Variants in RGS6 observed in about 807,000 individuals in gnomAD.
RGS6 encodes regulator of G-protein signaling 6.
RGS6 carries 30 observed loss-of-function variants against 78.5 expected under a neutral mutation model. The ratio of observed to expected loss-of-function variants is 0.38; its 90% CI spans 0.29 to 0.52. RGS6 has a LOEUF of 0.52. RGS6 is among the 20% of genes least tolerant of loss of function. The pLI, the probability that RGS6 is intolerant of heterozygous loss-of-function variation, is 0.85. For synonymous variants in RGS6, 206 were observed against 206.0 expected (o/e 1.00, Z 0.00); for missense variants, 495 against 609.7 (o/e 0.81, Z 1.98).
chr14:71,922,982 G>A, the RGS6 span, among the ~76,000 whole-genome samples: 1 of 152,210 alleles, frequency 6.6e-6, no homozygotes, highest in African/African-American at 2.4e-5. Context: ...GTTCCTATGT[G>A]AATAAGTTCC....
intron 2 of RGS6, among the ~76,000 whole-genome samples, chr14:72,295,412 CA>C (rs2064595513): frequency 6.6e-6 from 1 of 152,252 alleles, no homozygotes; most frequent in East Asian, 1.9e-4. Context: ...GGAGTGCCCT[CA>C]GTAACCCCCT....
the RGS6 span, among the ~76,000 whole-genome samples, chr14:71,871,517 T>A: frequency 2.0e-5 from 3 of 152,284 alleles, no homozygotes; most frequent in Admixed American, 2.0e-4. Flanking sequence ...TTTCCCTCTT[T>A]TGAAAGCTAA....
At chr14:72,297,435 T>TA (rs1162082459) in intron 2 of RGS6, among the ~76,000 whole-genome samples, 195 of 146,242 alleles carry the variant, frequency 1.3e-3, no homozygotes, top group East Asian at 6.2e-3. Flanking sequence ...TATTATTTTT[T>TA]TTTTATACTT....
At chr14:72,262,750 A>C (rs1471742664) in intron 2 of RGS6, among the ~76,000 whole-genome samples, 1 of 152,206 alleles carries the variant, frequency 6.6e-6, no homozygotes. Context: ...CCGAAACTCA[A>C]CTCAAACTAG....
chr14:72,357,263 GA>G (rs59962898), intron 3 of RGS6, among the ~76,000 whole-genome samples: 5,752 of 131,230 alleles, frequency 0.044, 130 homozygotes, highest in African/African-American at 0.067. Context: ...CCCTGTCTCA[GA>G]AAAAAAAAAA....
chr14:72,094,849 A>T (rs1055130310), intron 2 of RGS6, among the ~76,000 whole-genome samples: 1 of 152,222 alleles, frequency 6.6e-6, no homozygotes, highest in Admixed American at 6.5e-5. Context: ...TAAGCACAAC[A>T]GTTGTTTCTG....
At chr14:72,394,871 C>G (rs1210114417) in intron 3 of RGS6, among the ~76,000 whole-genome samples, 7 of 152,114 alleles carry the variant, frequency 4.6e-5, no homozygotes, top group Non-Finnish European at 1.0e-4. Context: ...GAAATCTTCA[C>G]AGTTTATGTT....
chr14:72,130,772 A>G (rs935670866), intron 2 of RGS6, among the ~76,000 whole-genome samples: 7 of 152,180 alleles, frequency 4.6e-5, no homozygotes, highest in African/African-American at 1.4e-4. Context: ...ATTACCCTAC[A>G]TGTTTATCCC....
intron 3 of RGS6, among the ~76,000 whole-genome samples, chr14:72,441,897 G>T (rs2095217018): frequency 6.6e-6 from 1 of 152,232 alleles, no homozygotes; most frequent in African/African-American, 2.4e-5. Context: ...CAGAGGCCCA[G>T]CTCCTGGTCA....
chr14:72,151,679 GT>G (rs2096690071), intron 2 of RGS6, among the ~76,000 whole-genome samples: 1 of 152,082 alleles, frequency 6.6e-6, no homozygotes, highest in Middle Eastern at 3.2e-3. Context: ...GTTCTGGAGT[GT>G]GCCGGTCAGG....
chr14:71,906,484 G>T, the RGS6 span, among the ~76,000 whole-genome samples: 2 of 152,174 alleles, frequency 1.3e-5, no homozygotes, highest in Non-Finnish European at 2.9e-5. Context: ...TTGCCTAGGA[G>T]GGCCCGTTGC....
At chr14:72,286,017 TGTA>T (rs1289718612) in intron 2 of RGS6, among the ~76,000 whole-genome samples, 1 of 152,222 alleles carries the variant, frequency 6.6e-6, no homozygotes, top group Non-Finnish European at 1.5e-5. Context: ...TTTAATTTGA[TGTA>T]GTCCCACTTG....
chr14:72,223,912 C>G (rs1007303346), intron 2 of RGS6, among the ~76,000 whole-genome samples: 1 of 152,242 alleles, frequency 6.6e-6, no homozygotes, highest in Admixed American at 6.5e-5. Context: ...GTAAGCACCC[C>G]AGATTACGCC....
At chr14:72,023,857 C>T (rs1363975767) in intron 2 of RGS6, among the ~76,000 whole-genome samples, 1 of 152,114 alleles carries the variant, frequency 6.6e-6, no homozygotes, top group East Asian at 1.9e-4. Flanking sequence ...TGCATCTCCT[C>T]AGGTAAGGGA....
At chr14:72,531,083 C>T (rs927242338) in intron 15 of RGS6, among the ~76,000 whole-genome samples, 6 of 152,192 alleles carry the variant, frequency 3.9e-5, no homozygotes, top group Non-Finnish European at 8.8e-5. Context: ...AGTGTGTTCA[C>T]ACTAAGTTTG....
intron 2 of RGS6, among the ~76,000 whole-genome samples, chr14:72,126,225 T>C (rs1340284807): frequency 2.0e-5 from 3 of 152,222 alleles, no homozygotes; most frequent in Non-Finnish European, 2.9e-5. Flanking sequence ...TTGTTTGCTG[T>C]TAGTAGAAAT....
At chr14:72,003,272 T>C (rs1391919345) in intron 2 of RGS6, among the ~76,000 whole-genome samples, 1 of 152,186 alleles carries the variant, frequency 6.6e-6, no homozygotes, top group African/African-American at 2.4e-5. Context: ...TACTATACAA[T>C]CCACCCATGC....
intron 6 of RGS6, among the ~76,000 whole-genome samples, chr14:72,463,278 C>T (rs541585084): frequency 1.1e-4 from 17 of 152,324 alleles, no homozygotes; most frequent in African/African-American, 3.8e-4. Context: ...CAGATGCCCT[C>T]TTGTAGGGCT....
intron 2 of RGS6, among the ~76,000 whole-genome samples, chr14:72,116,523 C>T (rs778822604): frequency 9.9e-5 from 15 of 151,568 alleles, no homozygotes; most frequent in Admixed American, 6.6e-4. Flanking sequence ...TCATCCCCAT[C>T]CCCGCTGCAG....
Sources: gnomAD v4.1 joint callset for allele counts (sites outside exome capture counted in the v4.1 genomes callset) on GRCh38, gnomAD v4.1.1 for gene constraint, MANE v1.5 for transcripts, NCBI Gene and HGNC (gene_info 2026-07-23, HGNC 2026-07-21) for gene names.